ABR: variants seen among roughly 807,000 people sequenced by gnomAD.
ABR encodes ABR activator of RhoGEF and GTPase.
Under a neutral mutation model 107.2 loss-of-function variants are expected in ABR, and 35 were observed. The observed-to-expected ratio is 0.33, with a 90% CI of 0.25 to 0.43. The LOEUF is 0.43. ABR is among the 20% of genes least tolerant of loss of function. The probability of loss-of-function intolerance (pLI) is 1.00; values close to 1 mark genes in which losing one functional copy is unlikely to be tolerated. For missense variants in ABR, 815 were observed against 1,115.2 expected, an observed-to-expected ratio of 0.73 and a Z score of 3.83; for synonymous variants, 498 against 462.0, an observed-to-expected ratio of 1.08 and a Z score of -1.00.
At position 1,051,932 on chromosome 17, in the gene ABR, G is replaced by A. The variant is rs552407285; in HGVS notation, c.1562-1298C>T. ...CTACTAAAAATACAAAAGTGAGCCC[G>A]GCGTGGTGGCACATGCCTGTAGTCC... is the stretch of plus-strand genomic sequence containing the variant. On this transcript the variant is annotated intron_variant, in intron 14 of 22. Coordinates refer to ENST00000302538, the MANE Select transcript of ABR (RefSeq NM_021962.5). The surrounding 1 kb of genome is among the most constrained non-coding windows in gnomAD (Gnocchi z 4.3). Among the ~76,000 whole-genome samples the A allele has an allele frequency of 1.2e-4, 18 of 152,278 alleles. No individual in the cohort carries two copies. In the South Asian group the frequency reaches 2.3e-3, roughly 19 times the overall value.
chr17:1,057,912 A>G, intron 12 of ABR, 58 bp downstream of exon 12: 1 of 1,502,506 alleles, frequency 6.7e-7, no homozygotes, highest in Non-Finnish European at 9.3e-7. Context: ...TTAGAAATAC[A>G]AAAGGCCCAT....
At position 1,141,515 on chromosome 17, in the gene ABR, A is replaced by AT. The variant is rs568123203; in HGVS notation, c.62-16149dup. ...CTCATGAAGCTTTTGCGAGGTTACA[A>AT]TGAGGAAATATATGCTATGCAAGGC... On this transcript the variant is annotated intron_variant, in intron 1 of 22. Coordinates refer to ENST00000302538, the MANE Select transcript of ABR (RefSeq NM_021962.5). Among the ~76,000 whole-genome samples the AT allele has an allele frequency of 3.3e-3, 510 of 152,316 alleles. 8 individuals carry two copies. Among genetic ancestry groups the AT allele is most frequent in the African/African-American group, 0.012 (491 of 41,570 alleles).
intron 2 of ABR, among the ~76,000 whole-genome samples, chr17:1,101,667 T>C (rs549396252): frequency 9.2e-5 from 14 of 152,078 alleles, no homozygotes; most frequent in South Asian, 2.1e-4. Context: ...ATAGATACCA[T>C]GGGAAACAGA....
intron 1 of ABR, among the ~76,000 whole-genome samples, chr17:1,228,483 A>T (rs2150776426): frequency 6.6e-6 from 1 of 152,314 alleles, no homozygotes; most frequent in African/African-American, 2.4e-5. Flanking sequence ...GGCGGGGGCC[A>T]GGCCGGAGGG....
In ABR at chr17:1,084,196, G is replaced by A. The variant is rs1208939286; in HGVS notation, c.532-569C>T. Reference sequence around the variant, plus strand: ...GTTCCAGACCAGCCTGGCCAACATGGCGAAACCCCGTCTCTACTAAAAATA... The same window carrying A: ...GTTCCAGACCAGCCTGGCCAACATGACGAAACCCCGTCTCTACTAAAAATA... On this transcript the variant is annotated intron_variant, in intron 4 of 22. Transcript: ENST00000302538. This position sits in a 1 kb window ranked among gnomAD's most constrained non-coding sequence, Gnocchi z 4.2. 1.3e-5 allele frequency among the ~76,000 whole-genome samples: 2 copies of A among 152,330 alleles called. No individual in the cohort carries two copies. The highest frequency in any genetic ancestry group is 3.9e-4 in the East Asian group (2 of 5,176).
intron 4 of ABR, among the ~76,000 whole-genome samples, chr17:1,091,078 C>A (rs1414537507): frequency 6.6e-6 from 1 of 152,200 alleles, no homozygotes; most frequent in Non-Finnish European, 1.5e-5. Flanking sequence ...GTGAGCAGGG[C>A]TGGGCTTCAG....
rs777936040 is a variant in ABR at position 1,037,066 on chromosome 17, TCCAC to T, written c.1791+12980_1791+12983del. The stretch of plus-strand genomic sequence containing the variant: ...ATCCATCCATCCATCCACCCATCCA[TCCAC>T]CCACCCACCCATCCTTCCATCCATC... On this transcript the variant is annotated intron_variant, in intron 16 of 22. Transcript: ENST00000302538. This position sits in a 1 kb window ranked among gnomAD's most constrained non-coding sequence, Gnocchi z 4.6. 3.8e-5 allele frequency among the ~76,000 whole-genome samples: 5 copies of T among 132,328 alleles called. No individual in the cohort carries two copies. Among genetic ancestry groups the T allele is most frequent in the South Asian group, 3.2e-4 (1 of 3,156 alleles). 86.8% of individuals were successfully genotyped at this position (132,328 alleles called of 152,430 possible). A position where few individuals can be genotyped will look rare whatever the true frequency, so the allele number is the denominator to read the frequency against.
At chr17:1,014,057 A>G (rs1211917086) in intron 16 of ABR, among the ~76,000 whole-genome samples, 1 of 152,262 alleles carries the variant, frequency 6.6e-6, no homozygotes, top group Non-Finnish European at 1.5e-5. Context: ...CAATATTGCC[A>G]TCCTAAAATA....
At chr17:1,116,092 G>GGCACGT (rs936519769) in intron 2 of ABR, among the ~76,000 whole-genome samples, 4 of 149,302 alleles carry the variant, frequency 2.7e-5, no homozygotes, top group African/African-American at 9.9e-5. Flanking sequence ...CGGATGTGGT[G>GGCACGT]GCCTGTAATC....
At chr17:1,048,676 C>G (rs2032026284) in intron 16 of ABR, among the ~76,000 whole-genome samples, 2 of 141,534 alleles carry the variant, frequency 1.4e-5, no homozygotes, top group Non-Finnish European at 3.0e-5. Flanking sequence ...CAGCTGCCGC[C>G]TGGATCACCT....
intron 1 of ABR, among the ~76,000 whole-genome samples, chr17:1,146,917 C>T (rs1254405126): frequency 6.6e-6 from 1 of 152,246 alleles, no homozygotes; most frequent in Non-Finnish European, 1.5e-5. Context: ...GCCACCATGA[C>T]ACCACTGCCC....
chr17:1,070,137 C>A lies in ABR; in HGVS notation c.895-47G>T. 6.2e-7 allele frequency: 1 copy of A among 1,608,994 alleles called. No homozygotes were observed. Among genetic ancestry groups the A allele is most frequent in the Non-Finnish European group, 8.5e-7 (1 of 1,177,786 alleles). On this transcript the variant is annotated intron_variant, in intron 8 of 22. Coordinates refer to ENST00000302538, the MANE Select transcript of ABR (RefSeq NM_021962.5). This position sits in a 1 kb window ranked among gnomAD's most constrained non-coding sequence, Gnocchi z 4.2. ...CCAGCCTGCTCAGAGGGGAATGCGG[C>A]CGAGGGCAGAGCCTGCACACGGGGG...
At chr17:1,224,002 C>T (rs555193328) in intron 1 of ABR, among the ~76,000 whole-genome samples, 2 of 152,302 alleles carry the variant, frequency 1.3e-5, no homozygotes, top group East Asian at 3.9e-4. Flanking sequence ...CTGTGGAATC[C>T]ATGAATTAAA....
rs1329957720 is a variant in ABR, at chr17:1,070,116, C to T, written c.895-26G>A. ...CTGAGGGAGATGGCAGACCCCCCAG[C>T]CTGCTCAGAGGGGAATGCGGCCGAG... On this transcript the variant is annotated intron_variant, in intron 8 of 22. Coordinates refer to ENST00000302538, the MANE Select transcript of ABR (RefSeq NM_021962.5). The surrounding 1 kb of genome is among the most constrained non-coding windows in gnomAD (Gnocchi z 4.2). The T allele has an allele frequency of 6.2e-7, 1 of 1,612,670 alleles. No homozygotes were observed. Among genetic ancestry groups the T allele is most frequent in the Non-Finnish European group, 8.5e-7 (1 of 1,179,534 alleles).
intron 2 of ABR, among the ~76,000 whole-genome samples, chr17:1,118,002 C>G: frequency 1.2e-5 from 1 of 82,922 alleles, no homozygotes; most frequent in East Asian, 2.9e-4. Flanking sequence ...CCAGCGTTAT[C>G]CCTGAGCCTG....
At chr17:1,218,891 C>G (rs1474890581) in intron 1 of ABR, among the ~76,000 whole-genome samples, 1 of 152,134 alleles carries the variant, frequency 6.6e-6, no homozygotes, top group Non-Finnish European at 1.5e-5. Flanking sequence ...GCAAAATCCC[C>G]AAGGAAATCG....
chr17:1,175,766 A>G (rs2041896983), intron 1 of ABR, among the ~76,000 whole-genome samples: 1 of 152,196 alleles, frequency 6.6e-6, no homozygotes, highest in Non-Finnish European at 1.5e-5. Flanking sequence ...TGTCAAAACC[A>G]GAAAGAATGA....
At chr17:1,190,076 A>G (rs16943069), upstream of ABR, among the ~76,000 whole-genome samples, 84 of 152,170 alleles carry the variant, frequency 5.5e-4, 1 homozygote, top group Non-Finnish European at 1.1e-3. Context: ...GAAAGAACAA[A>G]TGGCCCCTAG....
chr17:1,018,670 G>A (rs577654332), intron 16 of ABR, among the ~76,000 whole-genome samples: 18 of 152,236 alleles, frequency 1.2e-4, no homozygotes, highest in African/African-American at 3.1e-4. Context: ...GTGCGCACTC[G>A]GGCAAGGCCT....
Sources: gnomAD v4.1 joint callset for allele counts (sites outside exome capture counted in the v4.1 genomes callset) on GRCh38, gnomAD v4.1.1 for gene constraint, Gnocchi (gnomAD v3.1) non-coding constraint, MANE v1.5 for transcripts, NCBI Gene and HGNC (gene_info 2026-07-23, HGNC 2026-07-21) for gene names.